The following MEGF11 variants were observed in gnomAD, a reference collection of about 807,000 sequenced individuals.
MEGF11 encodes multiple EGF like domains 11.
In MEGF11, 126 loss-of-function variants were observed where a neutral mutation model predicts 146.6. The ratio of observed to expected loss-of-function variants is 0.86; its 90% CI spans 0.74 to 1.00. The LOEUF is 1.00. Among genes scored for constraint, MEGF11 ranks in the 50% least tolerant of loss-of-function variants. MEGF11 has a pLI of 0.00. For missense variants in MEGF11, 1,509 were observed against 1,521.2 expected, an observed-to-expected ratio of 0.99 and a Z score of 0.13; for synonymous variants, 532 against 583.4, an observed-to-expected ratio of 0.91 and a Z score of 1.27.
intron 5 of MEGF11, among the ~76,000 whole-genome samples, chr15:66,025,591 C>T (rs912205965): frequency 2.6e-5 from 4 of 152,180 alleles, no homozygotes; most frequent in African/African-American, 9.7e-5. Flanking sequence ...GCCTCAATTT[C>T]TTAACCTATA....
chr15:66,043,538 G>C (rs537537615), intron 5 of MEGF11, among the ~76,000 whole-genome samples: 193 of 152,368 alleles, frequency 1.3e-3, no homozygotes, highest in Non-Finnish European at 2.1e-3. Flanking sequence ...CACAAAAGAA[G>C]CCATATTTGA....
chr15:66,111,659 G>C (rs2087416936), intron 4 of MEGF11, among the ~76,000 whole-genome samples: 1 of 152,180 alleles, frequency 6.6e-6, no homozygotes, highest in Non-Finnish European at 1.5e-5. Flanking sequence ...GGGGGGATTT[G>C]AACATGCTAC....
chr15:65,935,778 C>T (rs1225862076), intron 10 of MEGF11, among the ~76,000 whole-genome samples: 1 of 152,196 alleles, frequency 6.6e-6, no homozygotes, highest in African/African-American at 2.4e-5. Context: ...GGCCTCAGTA[C>T]CAATGCATAC....
chr15:66,158,908 A>T (rs1375697697), intron 1 of MEGF11, among the ~76,000 whole-genome samples: 1 of 152,212 alleles, frequency 6.6e-6, no homozygotes, highest in African/African-American at 2.4e-5. Flanking sequence ...GTAGCTTCTA[A>T]ACTCTGTGTC....
intron 18 of MEGF11, among the ~76,000 whole-genome samples, 192 bp from the exon 19 acceptor site, chr15:65,915,790 C>A (rs1299167524): frequency 2.0e-4 from 30 of 152,200 alleles, no homozygotes; most frequent in Admixed American, 2.0e-3. Context: ...GCAGGGCCCA[C>A]TCACCCCTAC....
At chr15:65,903,188 G>A (rs1037698914) in intron 24 of MEGF11, among the ~76,000 whole-genome samples, 5 of 152,148 alleles carry the variant, frequency 3.3e-5, no homozygotes, top group East Asian at 1.9e-4. Flanking sequence ...CCAAGTTTAC[G>A]CAAAGACAGA....
At chr15:65,900,050 G>T (rs997238137) in intron 24 of MEGF11, among the ~76,000 whole-genome samples, 1 of 152,188 alleles carries the variant, frequency 6.6e-6, no homozygotes, top group African/African-American at 2.4e-5. Flanking sequence ...ATAGTCCCAG[G>T]CAAGGCAGGA....
At chr15:66,216,976 T>A (rs59868486) in intron 1 of MEGF11, among the ~76,000 whole-genome samples, 20,307 of 152,254 alleles carry the variant, frequency 0.13, 1,750 homozygotes, top group African/African-American at 0.25. Flanking sequence ...CTGCAGGGCC[T>A]TCTCCAGAGC....
At chr15:66,107,153 G>A (rs1439083332) in intron 4 of MEGF11, among the ~76,000 whole-genome samples, 1 of 152,066 alleles carries the variant, frequency 6.6e-6, no homozygotes, top group South Asian at 2.1e-4. Flanking sequence ...CCACTGTCAG[G>A]TCAGCACAGC....
In MEGF11 at chr15:65,916,974, T is replaced by G; in HGVS notation, c.2087-18A>C. ...TGGGCAAGCTGGGATGTCGGTGAAA[T>G]GCAGAGGGTGAGGGGAAGGCAGAGA... On this transcript the variant is annotated intron_variant, in intron 16 of 25. Coordinates refer to ENST00000395614, the MANE Select transcript of MEGF11 (RefSeq NM_001385028.1). 1 of 1,487,576 alleles carries G rather than the reference T, an allele frequency of 6.7e-7. No individual in the cohort carries two copies. The highest frequency in any genetic ancestry group is 9.0e-7 in the Non-Finnish European group (1 of 1,112,632). 92.1% of individuals were successfully genotyped at this position (1,487,576 alleles called of 1,614,324 possible). A position where few individuals can be genotyped will look rare whatever the true frequency, so the allele number is the denominator to read the frequency against.
intron 5 of MEGF11, among the ~76,000 whole-genome samples, chr15:66,065,609 C>T (rs1352999120): frequency 6.6e-6 from 1 of 152,200 alleles, no homozygotes; most frequent in Non-Finnish European, 1.5e-5. Context: ...CTGAGGTGCC[C>T]TTGAAGTCCC....
At chr15:65,970,437 T>C (rs1343153769) in intron 8 of MEGF11, 116 bp downstream of exon 8, 1 of 1,206,096 alleles carries the variant, frequency 8.3e-7, no homozygotes, top group Non-Finnish European at 1.1e-6. Flanking sequence ...CTCAGAGTGC[T>C]TTCTGAGAAA....
At chr15:66,102,214 G>C (rs111575521) in intron 4 of MEGF11, among the ~76,000 whole-genome samples, 1 of 2,146 alleles carries the variant, frequency 4.7e-4, no homozygotes, top group African/African-American at 5.8e-4. Flanking sequence ...GGATTTTCTC[G>C]GCCGAGCTGT....
At chr15:66,168,118 C>T (rs1001932288) in intron 1 of MEGF11, among the ~76,000 whole-genome samples, 9 of 152,064 alleles carry the variant, frequency 5.9e-5, no homozygotes, top group Non-Finnish European at 8.8e-5. Flanking sequence ...ATTCCAGTCC[C>T]GCCAGCTCCT....
At chr15:66,116,090 GC>G (rs2087713705) in intron 4 of MEGF11, among the ~76,000 whole-genome samples, 1 of 152,098 alleles carries the variant, frequency 6.6e-6, no homozygotes, top group Admixed American at 6.5e-5. Context: ...CCTCCTCACC[GC>G]CCACCTCCAT....
At chr15:66,205,150 T>C (rs942349289) in intron 1 of MEGF11, among the ~76,000 whole-genome samples, 3 of 152,040 alleles carry the variant, frequency 2.0e-5, no homozygotes, top group Non-Finnish European at 4.4e-5. Context: ...TTTTAGATAA[T>C]AGCCACTCAG....
chr15:65,926,522 A>G (rs1031962020), intron 13 of MEGF11, among the ~76,000 whole-genome samples: 2 of 152,222 alleles, frequency 1.3e-5, no homozygotes, highest in Non-Finnish European at 2.9e-5. Context: ...GCAGCCCCAA[A>G]CCTGTGCCAA....
intron 9 of MEGF11, 56 bp from the exon 10 acceptor site, chr15:65,957,777 C>T (rs1327316287): frequency 2.5e-6 from 4 of 1,569,550 alleles, no homozygotes; most frequent in Middle Eastern, 1.7e-4. Flanking sequence ...CAGCCATGTC[C>T]CCGCCCTCTG....
At chr15:65,915,244 TG>T (rs2078954805) in intron 19 of MEGF11, among the ~76,000 whole-genome samples, 1 of 152,204 alleles carries the variant, frequency 6.6e-6, no homozygotes, top group South Asian at 2.1e-4. Context: ...GCTTGGCTCA[TG>T]GGAAACTTGC....
Sources: gnomAD v4.1 joint callset for allele counts (sites outside exome capture counted in the v4.1 genomes callset) on GRCh38, gnomAD v4.1.1 for gene constraint, MANE v1.5 for transcripts, NCBI Gene and HGNC (gene_info 2026-07-23, HGNC 2026-07-21) for gene names.